NT5DC1: variants seen among roughly 807,000 people sequenced by gnomAD.
NT5DC1 encodes the protein 5'-nucleotidase domain-containing protein 1.
In NT5DC1, 42 loss-of-function variants were observed where a neutral mutation model predicts 59.4. That is an observed-to-expected ratio of 0.71 (90% CI 0.55 to 0.92). The LOEUF is 0.92. Ranked by LOEUF, NT5DC1 falls within the 40% of genes least tolerant of loss-of-function variation. The probability of loss-of-function intolerance (pLI) is 0.00; values close to 1 mark genes in which losing one functional copy is unlikely to be tolerated. For synonymous variants in NT5DC1, 172 were observed against 188.1 expected (o/e 0.91, Z 0.70); for missense variants, 501 against 537.1 (o/e 0.93, Z 0.66).
intron 2 of NT5DC1, 127 bp downstream of exon 2, chr6:116,106,462 A>C: frequency 1.6e-6 from 1 of 616,540 alleles, no homozygotes; most frequent in South Asian, 2.0e-5. Flanking sequence ...GAGTCAAAGG[A>C]CAAATGCCTT....
intron 6 of NT5DC1, among the ~76,000 whole-genome samples, chr6:116,194,412 A>C (rs1352469563): frequency 1.3e-5 from 2 of 152,052 alleles, no homozygotes; most frequent in Admixed American, 6.6e-5. Flanking sequence ...GGTAGTTGAC[A>C]ATTTCGGGAA....
intron 6 of NT5DC1, among the ~76,000 whole-genome samples, chr6:116,156,771 G>A (rs1306549086): frequency 6.6e-6 from 1 of 152,132 alleles, no homozygotes; most frequent in Non-Finnish European, 1.5e-5. Flanking sequence ...TAATATCCAA[G>A]ATATCTATGG....
At chr6:116,138,964 G>A (rs547018896) in intron 6 of NT5DC1, among the ~76,000 whole-genome samples, 7 of 151,964 alleles carry the variant, frequency 4.6e-5, no homozygotes, top group Non-Finnish European at 8.8e-5. Flanking sequence ...GTGACCAGTA[G>A]GATTTGTATA....
Position 116,108,344 on chromosome 6 carries a change from A to T in NT5DC1, c.186-20A>T. 6.6e-7 allele frequency: 1 copy of T among 1,525,624 alleles called. No individual in the cohort carries two copies. Among genetic ancestry groups the T allele is most frequent in the Non-Finnish European group, 9.1e-7 (1 of 1,099,582 alleles). 94.5% of individuals were successfully genotyped at this position (1,525,624 alleles called of 1,614,324 possible). Reference sequence around the variant, plus strand: ...AGCTAAATATAGGAATTGATTAATAATCAAACTTTCCTATTTCAGTTGCAA... The same window carrying T: ...AGCTAAATATAGGAATTGATTAATATTCAAACTTTCCTATTTCAGTTGCAA... On this transcript the variant is annotated intron_variant, in intron 2 of 11. Transcript: ENST00000319550.
At chr6:116,162,633 C>T (rs1034610828) in intron 6 of NT5DC1, among the ~76,000 whole-genome samples, 4 of 152,096 alleles carry the variant, frequency 2.6e-5, no homozygotes, top group Non-Finnish European at 5.9e-5. Context: ...CCCACTTGAT[C>T]GTGATGAATT....
chr6:116,169,195 G>A (rs1780549378), intron 6 of NT5DC1, among the ~76,000 whole-genome samples: 2 of 152,118 alleles, frequency 1.3e-5, no homozygotes, highest in African/African-American at 4.8e-5. Flanking sequence ...TTCTCAACTT[G>A]ACCTCTTAAA....
At chr6:116,185,351 A>T (rs1056235165) in intron 6 of NT5DC1, among the ~76,000 whole-genome samples, 6 of 152,092 alleles carry the variant, frequency 3.9e-5, no homozygotes, top group Non-Finnish European at 8.8e-5. Flanking sequence ...TGTTGGGTAG[A>T]AAGTTCTGAA....
At chr6:116,229,518 G>C (rs1781972888) in intron 8 of NT5DC1, among the ~76,000 whole-genome samples, 1 of 152,180 alleles carries the variant, frequency 6.6e-6, no homozygotes, top group Non-Finnish European at 1.5e-5. Flanking sequence ...CCTCCCTCCA[G>C]TCTGATTCCT....
intron 8 of NT5DC1, among the ~76,000 whole-genome samples, chr6:116,231,009 G>A (rs1205452265): frequency 6.6e-6 from 1 of 151,478 alleles, no homozygotes; most frequent in African/African-American, 2.4e-5. Flanking sequence ...CAGAGGCTGA[G>A]GCAGGAAAAT....
rs140567897 is a variant in NT5DC1 at position 116,219,643 on chromosome 6, C to T, written c.530-1411C>T. ...CTACCGTTTTTTGTTTTTATTTGTT[C>T]GTTTTTGTTTCACTTAAAGACTCTT... On this transcript the variant is annotated intron_variant, in intron 6 of 11. Transcript: ENST00000319550. Among the ~76,000 whole-genome samples, 529 of 152,016 alleles carry T rather than the reference C, an allele frequency of 3.5e-3. 2 individuals are homozygous for T. Among genetic ancestry groups the T allele is most frequent in the African/African-American group, 0.012 (500 of 41,478 alleles).
chr6:116,154,029 CTTTTTT>C (rs34356532), intron 6 of NT5DC1, among the ~76,000 whole-genome samples: 1 of 122,336 alleles, frequency 8.2e-6, no homozygotes, highest in South Asian at 2.7e-4. Flanking sequence ...GGGAAGATTT[CTTTTTT>C]TTTTTTTTTT....
At chr6:116,225,997 G>A (rs1050395050) in intron 8 of NT5DC1, among the ~76,000 whole-genome samples, 2 of 151,954 alleles carry the variant, frequency 1.3e-5, no homozygotes, top group Admixed American at 6.6e-5. Context: ...ACCCCCCAAC[G>A]ACGAAGAATT....
intron 6 of NT5DC1, among the ~76,000 whole-genome samples, chr6:116,147,258 A>G (rs919568109): frequency 6.6e-6 from 1 of 152,016 alleles, no homozygotes; most frequent in Non-Finnish European, 1.5e-5. Context: ...CCTGGCCAAC[A>G]TGGTGAAATC....
In NT5DC1 at chr6:116,125,386, G is replaced by A. The variant is rs778850616; in HGVS notation, c.529+7441G>A. The A allele has an allele frequency of 4.3e-6, 7 of 1,613,778 alleles. No homozygotes were observed. In the South Asian group the frequency reaches 7.7e-5, roughly 18 times the overall value. On this transcript the variant is annotated intron_variant, in intron 6 of 11. Transcript: ENST00000319550. The stretch of plus-strand genomic sequence containing the variant: ...AATGAAGAACTGTGTCTTGGTGTTG[G>A]GTAGTGGGCCTTTTATGCCTGTGGG...
rs192109553 is a variant in NT5DC1, at chr6:116,222,115, A to G, written c.704+887A>G. On this transcript the variant is annotated intron_variant, in intron 7 of 11. Coordinates refer to ENST00000319550, the MANE Select transcript of NT5DC1 (RefSeq NM_152729.3). ...AGCATGTGTGGCTTTAGTTTCTTCTATGGTATGCTTAGAATCTGTGAGTAG... is the reference window on the plus strand; with the variant it reads ...AGCATGTGTGGCTTTAGTTTCTTCTGTGGTATGCTTAGAATCTGTGAGTAG... 6.4e-4 allele frequency among the ~76,000 whole-genome samples: 97 copies of G among 152,214 alleles called. 1 individual carries two copies. The highest frequency in any genetic ancestry group is 2.3e-3 in the African/African-American group (96 of 41,532).
intron 6 of NT5DC1, among the ~76,000 whole-genome samples, chr6:116,188,228 T>A (rs548291468): frequency 3.6e-4 from 55 of 152,084 alleles, no homozygotes; most frequent in Non-Finnish European, 7.1e-4. Flanking sequence ...AAGAGAACCC[T>A]TAAACTGCTG....
Position 116,100,890 on chromosome 6 carries a change from C to A in NT5DC1, c.-41C>A, listed in dbSNP as rs76705525. The A allele has an allele frequency of 2.0e-6, 3 of 1,505,106 alleles. No individual in the cohort carries two copies. Among genetic ancestry groups the A allele is most frequent in the South Asian group, 1.2e-5 (1 of 85,500 alleles). The allele number at this position is 1,505,106 out of a possible 1,614,324, so 93.2% of individuals were successfully genotyped here. On this transcript the variant is annotated 5_prime_UTR_variant, in exon 1 of 12. Transcript: ENST00000319550. The stretch of plus-strand genomic sequence containing the variant: ...CGTCCCGCCAGCCAGCTCCTTGCAC[C>A]CTTCGCGGCCGAGGCGCTCCCTGGT...
At chr6:116,104,707 C>T (rs1778735311) in intron 1 of NT5DC1, among the ~76,000 whole-genome samples, 1 of 152,134 alleles carries the variant, frequency 6.6e-6, no homozygotes, top group Non-Finnish European at 1.5e-5. Context: ...TGCTGGTGTG[C>T]CAGGCTCTGC....
intron 6 of NT5DC1, among the ~76,000 whole-genome samples, chr6:116,181,179 T>G (rs1407316033): frequency 1.3e-5 from 2 of 152,002 alleles, no homozygotes; most frequent in African/African-American, 4.8e-5. Context: ...CTCTCTACTG[T>G]TACATGTGTC....
Sources: gnomAD v4.1 joint callset for allele counts (sites outside exome capture counted in the v4.1 genomes callset) on GRCh38, gnomAD v4.1.1 for gene constraint, MANE v1.5 for transcripts, NCBI Gene and HGNC (gene_info 2026-07-23, HGNC 2026-07-21) for gene names.